Variants in ERGIC1 observed in about 807,000 individuals in gnomAD.
ERGIC1 encodes endoplasmic reticulum-Golgi intermediate compartment protein 1.
ERGIC1 carries 19 observed loss-of-function variants against 38.3 expected under a neutral mutation model. The observed-to-expected ratio is 0.50, with a 90% CI of 0.35 to 0.73. The LOEUF (loss-of-function observed/expected upper bound fraction) is 0.73. Among genes scored for constraint, ERGIC1 ranks in the 30% least tolerant of loss-of-function variants. The pLI, the probability that ERGIC1 is intolerant of heterozygous loss-of-function variation, is 0.01. For missense variants in ERGIC1, 294 were observed against 389.2 expected (o/e 0.76, Z 2.06); for synonymous variants, 124 against 157.6 (o/e 0.79, Z 1.60).
chr5:172,950,624 A>G (rs1394931804), intron 9 of ERGIC1, 85 bp from the exon 10 acceptor site: 2 of 1,185,472 alleles, frequency 1.7e-6, no homozygotes, highest in Non-Finnish European at 1.2e-6. Flanking sequence ...AGAGCCCATC[A>G]TCTCATGATG....
rs1231225188 is a variant in ERGIC1 at position 172,943,369 on chromosome 5, G to A, written c.766-7340G>A. Among the ~76,000 whole-genome samples the A allele has an allele frequency of 2.0e-5, 3 of 146,806 alleles. No homozygotes were observed. In the East Asian group the frequency reaches 6.0e-4, roughly 29 times the overall value. ...CCACCCCCAGCCTTTCCAGGGCCCA[G>A]TCAACCACTTCCCTTCCCCGACTAC... On this transcript the variant is annotated intron_variant, in intron 9 of 9. Coordinates refer to ENST00000393784, the MANE Select transcript of ERGIC1 (RefSeq NM_001031711.3).
chr5:172,835,396 C>G (rs1268652100), intron 1 of ERGIC1, among the ~76,000 whole-genome samples: 2 of 152,174 alleles, frequency 1.3e-5, no homozygotes, highest in African/African-American at 4.8e-5. Flanking sequence ...AGCAAGTCTC[C>G]GAGCGCCCTC....
At chr5:172,943,988 G>T (rs1764065388) in intron 9 of ERGIC1, among the ~76,000 whole-genome samples, 1 of 152,212 alleles carries the variant, frequency 6.6e-6, no homozygotes, top group South Asian at 2.1e-4. Context: ...TAGTCACAGT[G>T]GAAGGCCAAG....
At chr5:172,839,926 A>G (rs1761121090) in intron 1 of ERGIC1, among the ~76,000 whole-genome samples, 1 of 152,178 alleles carries the variant, frequency 6.6e-6, no homozygotes, top group Non-Finnish European at 1.5e-5. Context: ...GCTCATCTCT[A>G]AAGCTTTCTC....
intron 3 of ERGIC1, among the ~76,000 whole-genome samples, chr5:172,903,100 C>T (rs1762927440): frequency 6.6e-6 from 1 of 152,086 alleles, no homozygotes; most frequent in African/African-American, 2.4e-5. Context: ...CTGGAATGTG[C>T]TCCCGACTGC....
intron 1 of ERGIC1, among the ~76,000 whole-genome samples, chr5:172,873,326 G>C (rs954469077): frequency 6.6e-6 from 1 of 152,206 alleles, no homozygotes; most frequent in Admixed American, 6.5e-5. Context: ...CTTGACAAGC[G>C]GGAAGCCTGA....
intron 9 of ERGIC1, 76 bp from the exon 10 acceptor site, chr5:172,950,633 T>G (rs1308952683): frequency 2.7e-5 from 35 of 1,293,740 alleles, no homozygotes; most frequent in Non-Finnish European, 3.6e-5. Context: ...CATCTCATGA[T>G]GTGGGAGGGG....
intron 1 of ERGIC1, among the ~76,000 whole-genome samples, chr5:172,873,638 C>T (rs971688849): frequency 2.6e-5 from 4 of 152,218 alleles, no homozygotes; most frequent in African/African-American, 9.6e-5. Context: ...CAGGGAGGAT[C>T]AGTGTTCAGT....
intron 5 of ERGIC1, among the ~76,000 whole-genome samples, chr5:172,922,653 C>T (rs1421604837): frequency 2.0e-5 from 3 of 152,190 alleles, no homozygotes; most frequent in African/African-American, 7.2e-5. Context: ...GGAGACCAGA[C>T]AGGAAGCAGC....
intron 3 of ERGIC1, chr5:172,897,929 A>G (rs1369967773): frequency 7.3e-6 from 3 of 413,570 alleles, no homozygotes; most frequent in Non-Finnish European, 1.3e-5. Flanking sequence ...TGTTGTCTGG[A>G]TAACCTAGTA....
At chr5:172,915,634 T>G (rs900922945) in intron 5 of ERGIC1, 9 of 470,988 alleles carry the variant, frequency 1.9e-5, no homozygotes, top group Non-Finnish European at 4.0e-5. Flanking sequence ...TCCTCGAAGC[T>G]CGGTACTGTC....
rs749985266 is a variant in ERGIC1 at position 172,867,019 on chromosome 5, TGATGATGCAGATGGA to T, written c.21-21647_21-21633del. 565 of 373,386 alleles carry T rather than the reference TGATGATGCAGATGGA, an allele frequency of 1.5e-3. 2 individuals are homozygous for T. The highest frequency in any genetic ancestry group is 6.6e-3 in the African/African-American group (313 of 47,616). The allele number at this position is 373,386 out of a possible 1,614,324, so 23.1% of individuals were successfully genotyped here. On this transcript the variant is annotated intron_variant, in intron 1 of 9. Transcript: ENST00000393784. ...CAGATGGAGATGATGCAGATGGAGA[TGATGATGCAGATGGA>T]GATGATGCAGATGGAGATGATGCAG... is the stretch of plus-strand genomic sequence containing the variant.
At chr5:172,860,820 G>A (rs975723915) in intron 1 of ERGIC1, among the ~76,000 whole-genome samples, 3 of 152,314 alleles carry the variant, frequency 2.0e-5, no homozygotes, top group Middle Eastern at 3.4e-3. Flanking sequence ...GTGTTTCTTT[G>A]TGAGCACAAA....
At chr5:172,884,776 C>G (rs139555268) in intron 1 of ERGIC1, among the ~76,000 whole-genome samples, 73 of 152,244 alleles carry the variant, frequency 4.8e-4, no homozygotes, top group Non-Finnish European at 9.1e-4. Context: ...GTTGCTGGAT[C>G]TTCTCTATGG....
intron 1 of ERGIC1, among the ~76,000 whole-genome samples, chr5:172,852,543 G>C (rs534570824): frequency 6.6e-6 from 1 of 152,228 alleles, no homozygotes; most frequent in Non-Finnish European, 1.5e-5. Context: ...TAGGCCGTCA[G>C]TGACATGAGA....
intron 2 of ERGIC1, 131 bp from the exon 3 acceptor site, chr5:172,896,871 G>T (rs1762735970): frequency 3.9e-6 from 3 of 761,434 alleles, no homozygotes; most frequent in Non-Finnish European, 6.5e-6. Context: ...GAGTCAGAAG[G>T]GGCTCTGGAG....
chr5:172,937,146 TA>T (rs1481356106), intron 9 of ERGIC1: 1 of 152,046 alleles, frequency 6.6e-6, no homozygotes, highest in African/African-American at 2.4e-5. Context: ...GCACATAACA[TA>T]AAGCAAAAAT....
At chr5:172,935,154 T>C (rs1174230219) in intron 8 of ERGIC1, 34 bp from the exon 9 acceptor site, 1 of 1,608,964 alleles carries the variant, frequency 6.2e-7, no homozygotes, top group Non-Finnish European at 8.5e-7. Context: ...TGAGACACAG[T>C]TTGTACTTCT....
chr5:172,944,327 C>T lies in ERGIC1; in HGVS notation c.766-6382C>T, dbSNP rs548266045. ...GGACCAAGCCACTCTCAGTCAATGC[C>T]ACCACAGTCCTAGGGGGTGAGGATT... On this transcript the variant is annotated intron_variant, in intron 9 of 9. Coordinates refer to ENST00000393784, the MANE Select transcript of ERGIC1 (RefSeq NM_001031711.3). Among the ~76,000 whole-genome samples, 11 of 152,118 alleles carry T rather than the reference C, an allele frequency of 7.2e-5. No homozygotes were observed. In the East Asian group the frequency reaches 2.1e-3, roughly 29 times the overall value.
Sources: gnomAD v4.1 joint callset for allele counts (sites outside exome capture counted in the v4.1 genomes callset) on GRCh38, gnomAD v4.1.1 for gene constraint, MANE v1.5 for transcripts, NCBI Gene and HGNC (gene_info 2026-07-23, HGNC 2026-07-21) for gene names.